ENOX1: variants seen among roughly 807,000 people sequenced by gnomAD.
The protein encoded by ENOX1 is ecto-NOX disulfide-thiol exchanger 1, also known as candidate growth-related and time keeping constitutive hydroquinone (NADH) oxidase.
Under a neutral mutation model 82.5 loss-of-function variants are expected in ENOX1, and 42 were observed. The observed-to-expected ratio is 0.51, with a 90% confidence interval of 0.40 to 0.66. The LOEUF (loss-of-function observed/expected upper bound fraction) is 0.66, where lower values mean the gene tolerates loss of function less well. Among genes scored for constraint, ENOX1 ranks in the 30% least tolerant of loss-of-function variants. The pLI is 0.00. For synonymous variants in ENOX1, 271 were observed against 282.2 expected, an observed-to-expected ratio of 0.96 and a Z score of 0.40; for missense variants, 608 against 811.6, an observed-to-expected ratio of 0.75 and a Z score of 3.05.
intron 2 of ENOX1, among the ~76,000 whole-genome samples, chr13:43,663,113 GGAAGCAGTGAGACCAGGACAAGGGT>G (rs1203611899): frequency 1.3e-5 from 2 of 152,164 alleles, no homozygotes; most frequent in Non-Finnish European, 2.9e-5. Context: ...ACTTCCCTTT[GGAAGCAGTGAGACCAGGACAAGGGT>G]GAAGCAGTGA....
Position 43,412,901 on chromosome 13 carries a change from C to A in ENOX1, c.14G>T (p.Gly5Val), listed in dbSNP as rs760876677. 4 of 1,614,042 alleles carry A rather than the reference C, an allele frequency of 2.5e-6. No homozygotes were observed. Among genetic ancestry groups the A allele is most frequent in the Non-Finnish European group, 2.5e-6 (3 of 1,180,000 alleles). Residue 5 changes from glycine to valine, a missense_variant, in exon 4 of 17, where the codon GGT (glycine) becomes GTT (valine). By Grantham distance (109) the Gly-to-Val change is moderately radical (BLOSUM62 -3). Coordinates refer to ENST00000690772, the MANE Select transcript of ENOX1 (RefSeq NM_001347969.2). MVDA[G>V]GVENITQLPQ... Reference sequence around the variant, plus strand: ...AAGCTGGGTGATGTTCTCAACTCCACCTGCATCTACCATTGAATTATGAGT... The same window carrying A: ...AAGCTGGGTGATGTTCTCAACTCCAACTGCATCTACCATTGAATTATGAGT...
chr13:43,273,633 C>T (rs2044826267), intron 12 of ENOX1, among the ~76,000 whole-genome samples: 1 of 152,144 alleles, frequency 6.6e-6, no homozygotes, highest in Non-Finnish European at 1.5e-5. Flanking sequence ...CAATCCCTCA[C>T]CAGGCATATG....
intron 2 of ENOX1, among the ~76,000 whole-genome samples, chr13:43,557,352 G>C (rs559590584): frequency 6.6e-6 from 1 of 152,172 alleles, no homozygotes; most frequent in Non-Finnish European, 1.5e-5. Flanking sequence ...TATAGAAAAG[G>C]GGTTTCAGAA....
intron 2 of ENOX1, among the ~76,000 whole-genome samples, chr13:43,556,172 C>T (rs572238255): frequency 2.5e-4 from 38 of 151,616 alleles, no homozygotes; most frequent in African/African-American, 8.9e-4. Flanking sequence ...CTCCCATTCT[C>T]TTTGATGCTT....
chr13:43,629,591 T>C (rs1005883711), intron 2 of ENOX1, among the ~76,000 whole-genome samples: 4 of 152,192 alleles, frequency 2.6e-5, no homozygotes, highest in African/African-American at 9.7e-5. Flanking sequence ...TACTCGAAAG[T>C]GGAATTCTGT....
chr13:43,268,852 G>GC (rs922918927), intron 13 of ENOX1, among the ~76,000 whole-genome samples: 2 of 152,164 alleles, frequency 1.3e-5, no homozygotes, highest in South Asian at 2.1e-4. Context: ...CATGTAGATA[G>GC]TGGGCTTAGA....
intron 5 of ENOX1, among the ~76,000 whole-genome samples, chr13:43,387,479 A>C (rs1254145648): frequency 6.6e-6 from 1 of 152,122 alleles, no homozygotes; most frequent in East Asian, 1.9e-4. Context: ...CTGGTGGGTA[A>C]GGGGTACAGT....
At chr13:43,227,274 C>CT (rs2042068867) in intron 15 of ENOX1, among the ~76,000 whole-genome samples, 1 of 152,170 alleles carries the variant, frequency 6.6e-6, no homozygotes, top group Non-Finnish European at 1.5e-5. Context: ...CCTCCACTGT[C>CT]TACTACCTTT....
At chr13:43,374,414 C>A (rs2051474251) in intron 5 of ENOX1, among the ~76,000 whole-genome samples, 1 of 151,572 alleles carries the variant, frequency 6.6e-6, no homozygotes, top group African/African-American at 2.4e-5. Context: ...CCTGGCTAAT[C>A]TGTATATTTT....
At chr13:43,573,228 A>G (rs1343228939) in intron 2 of ENOX1, among the ~76,000 whole-genome samples, 3 of 152,114 alleles carry the variant, frequency 2.0e-5, no homozygotes, top group Non-Finnish European at 4.4e-5. Flanking sequence ...TCCTCATGCT[A>G]TTCATTTTTC....
chr13:43,426,455 A>AT (rs2055307396), intron 3 of ENOX1, among the ~76,000 whole-genome samples: 1 of 152,184 alleles, frequency 6.6e-6, no homozygotes. Context: ...CTAAACAAAT[A>AT]TTTTAAAAGA....
intron 2 of ENOX1, among the ~76,000 whole-genome samples, chr13:43,498,824 C>A (rs2076881456): frequency 6.6e-6 from 1 of 152,146 alleles, no homozygotes; most frequent in East Asian, 1.9e-4. Context: ...CATGTGTCTA[C>A]AATTCTTTTA....
chr13:43,215,859 A>G (rs1189944843), intron 16 of ENOX1, among the ~76,000 whole-genome samples: 1 of 152,216 alleles, frequency 6.6e-6, no homozygotes, highest in African/African-American at 2.4e-5. Context: ...TATTTTTAAC[A>G]ACCATCCCAG....
chr13:43,252,276 G>C lies in ENOX1; in HGVS notation c.1611+13122C>G, dbSNP rs1026551846. ...AGGACAGTTTCAAGCTGGGAAAGCT[G>C]AGACTTTGAGGTTTTTCTTGGAAAA... On this transcript the variant is annotated intron_variant, in intron 14 of 16. Coordinates refer to ENST00000690772, the MANE Select transcript of ENOX1 (RefSeq NM_001347969.2). Among the ~76,000 whole-genome samples, 41 of 152,160 alleles carry C rather than the reference G, an allele frequency of 2.7e-4. 1 individual carries two copies. Among genetic ancestry groups the C allele is most frequent in the Non-Finnish European group, 1.5e-5 (1 of 68,020 alleles).
chr13:43,558,048 A>G (rs2079519016), intron 2 of ENOX1, among the ~76,000 whole-genome samples: 1 of 152,166 alleles, frequency 6.6e-6, no homozygotes, highest in Non-Finnish European at 1.5e-5. Context: ...GGTCCCATCC[A>G]TGAGAGCTGC....
intron 2 of ENOX1, among the ~76,000 whole-genome samples, chr13:43,578,051 G>A (rs900187870): frequency 1.3e-5 from 2 of 152,110 alleles, no homozygotes; most frequent in African/African-American, 4.8e-5. Context: ...AAATATGCAT[G>A]TAATATATAA....
At chr13:43,386,838 T>C (rs1172852076) in intron 5 of ENOX1, among the ~76,000 whole-genome samples, 1 of 152,228 alleles carries the variant, frequency 6.6e-6, no homozygotes, top group African/African-American at 2.4e-5. Context: ...AGTTTATTCA[T>C]TGCAGCCAAC....
rs528917808 is a variant in ENOX1, at chr13:43,282,490, C to T, written c.1447-12913G>A. Among the ~76,000 whole-genome samples the T allele has an allele frequency of 4.6e-5, 7 of 151,292 alleles. No individual in the cohort carries two copies. In the East Asian group the frequency reaches 1.4e-3, roughly 30 times the overall value. On this transcript the variant is annotated intron_variant, in intron 12 of 16. Coordinates refer to ENST00000690772, the MANE Select transcript of ENOX1 (RefSeq NM_001347969.2). The stretch of plus-strand genomic sequence containing the variant: ...TGAGACAGGGTCTTGCTCTGTTGCC[C>T]AGGCTGGAATGCAGTGGCTCGACTG...
rs1476537483 is a variant in ENOX1 at position 43,416,410 on chromosome 13, C to T, written c.-74-3422G>A. ...ACGGGGCGGCCGGACAGAAGCGCTC[C>T]TCACATCCCAGACGGGGCGGCCGGG... On this transcript the variant is annotated intron_variant, in intron 3 of 16. Coordinates refer to ENST00000690772, the MANE Select transcript of ENOX1 (RefSeq NM_001347969.2). Among the ~76,000 whole-genome samples, 24 of 150,892 alleles carry T rather than the reference C, an allele frequency of 1.6e-4. No homozygotes were observed. The East Asian group carries it at 4.2e-3, about 26-fold the overall frequency.
Sources: gnomAD v4.1 joint callset for allele counts (sites outside exome capture counted in the v4.1 genomes callset) on GRCh38, gnomAD v4.1.1 for gene constraint, MANE v1.5 for transcripts, NCBI Gene and HGNC (gene_info 2026-07-23, HGNC 2026-07-21) for gene names.